Variants in FBXL17 observed in about 807,000 individuals in gnomAD.
The protein encoded by FBXL17 is F-box and leucine rich repeat protein 17, also known as F-box/LRR-repeat protein 17.
In FBXL17, 22 loss-of-function variants were observed where a neutral mutation model predicts 66.2. The ratio of observed to expected loss-of-function variants is 0.33; its 90% CI spans 0.24 to 0.47. The LOEUF (loss-of-function observed/expected upper bound fraction) is 0.47. Among genes scored for constraint, FBXL17 ranks in the 20% least tolerant of loss-of-function variants. FBXL17 has a pLI of 1.00. For missense variants in FBXL17, 878 were observed against 948.2 expected (o/e 0.93, Z 0.97); for synonymous variants, 474 against 400.5 (o/e 1.18, Z -2.19).
At chr5:107,991,269 G>T (rs1299086666) in intron 7 of FBXL17, among the ~76,000 whole-genome samples, 4 of 152,184 alleles carry the variant, frequency 2.6e-5, no homozygotes, top group African/African-American at 9.7e-5. Flanking sequence ...AGGAAACTGA[G>T]GAGATACTGA....
At chr5:108,198,048 A>T (rs1346998589) in intron 5 of FBXL17, among the ~76,000 whole-genome samples, 1 of 152,168 alleles carries the variant, frequency 6.6e-6, no homozygotes, top group Non-Finnish European at 1.5e-5. Flanking sequence ...CCATCAGCTG[A>T]GCCACCTGCA....
chr5:107,937,494 C>T (rs1405471310), intron 7 of FBXL17, among the ~76,000 whole-genome samples: 1 of 152,106 alleles, frequency 6.6e-6, no homozygotes, highest in East Asian at 1.9e-4. Context: ...GAAAAACAGG[C>T]CATGATTACG....
intron 4 of FBXL17, among the ~76,000 whole-genome samples, chr5:108,247,240 T>G (rs1756142962): frequency 6.6e-6 from 1 of 152,136 alleles, no homozygotes; most frequent in Non-Finnish European, 1.5e-5. Flanking sequence ...CCCATTTGGT[T>G]CTACATAAAA....
chr5:107,974,392 A>C (rs1425987431), intron 7 of FBXL17, among the ~76,000 whole-genome samples: 3 of 152,130 alleles, frequency 2.0e-5, no homozygotes, highest in Non-Finnish European at 4.4e-5. Flanking sequence ...ATACAGTTAA[A>C]CAAAAAAGAG....
intron 6 of FBXL17, among the ~76,000 whole-genome samples, chr5:108,111,865 G>A (rs753501136): frequency 6.6e-6 from 1 of 152,180 alleles, no homozygotes; most frequent in African/African-American, 2.4e-5. Flanking sequence ...AGTGTTCAGA[G>A]AACCCAGTAT....
chr5:108,345,852 A>G (rs1747243769), intron 4 of FBXL17, among the ~76,000 whole-genome samples: 1 of 152,166 alleles, frequency 6.6e-6, no homozygotes, highest in Admixed American at 6.5e-5. Flanking sequence ...CAAAGTTTAT[A>G]TGAAAACTAT....
intron 3 of FBXL17, among the ~76,000 whole-genome samples, chr5:108,361,717 G>C (rs747074229): frequency 2.6e-5 from 4 of 152,086 alleles, no homozygotes; most frequent in Non-Finnish European, 4.4e-5. Flanking sequence ...GCCTTATACT[G>C]TGTTCAATCA....
intron 1 of FBXL17, among the ~76,000 whole-genome samples, chr5:108,377,781 A>G (rs1221371851): frequency 6.6e-6 from 1 of 152,222 alleles, no homozygotes; most frequent in Non-Finnish European, 1.5e-5. Context: ...TCATTTTATA[A>G]ATGAGAAAAT....
intron 4 of FBXL17, among the ~76,000 whole-genome samples, chr5:108,257,622 A>G (rs540943998): frequency 5.3e-5 from 8 of 152,222 alleles, no homozygotes; most frequent in African/African-American, 1.7e-4. Flanking sequence ...TGTCCACTTT[A>G]CAGATGAGAA....
In FBXL17 at chr5:108,381,959, G is replaced by A. The variant is rs1001398921; in HGVS notation, c.-268C>T. 6 of 1,232,452 alleles carry A rather than the reference G, an allele frequency of 4.9e-6. No individual in the cohort carries two copies. Among genetic ancestry groups the A allele is most frequent in the African/African-American group, 4.7e-5 (3 of 63,854 alleles). 76.3% of individuals were successfully genotyped at this position (1,232,452 alleles called of 1,614,324 possible). ...GCTTTGGGGACGCGAGGGAGGGAGC[G>A]AGCGAGCCTGCCGGCTAGGCGACCA... is the stretch of plus-strand genomic sequence containing the variant. On this transcript the variant is annotated 5_prime_UTR_variant, in exon 1 of 9. Coordinates refer to ENST00000542267, the MANE Select transcript of FBXL17 (RefSeq NM_001163315.3).
intron 6 of FBXL17, among the ~76,000 whole-genome samples, chr5:108,048,573 G>A (rs1160037775): frequency 6.6e-6 from 1 of 152,196 alleles, no homozygotes; most frequent in Non-Finnish European, 1.5e-5. Context: ...AAGGTTAGAG[G>A]AGCTGCTAAC....
At chr5:108,169,947 G>A (rs1439995199) in intron 6 of FBXL17, among the ~76,000 whole-genome samples, 1 of 152,070 alleles carries the variant, frequency 6.6e-6, no homozygotes, top group Non-Finnish European at 1.5e-5. Context: ...TAACTCTCAT[G>A]CTGTTAACAA....
intron 7 of FBXL17, among the ~76,000 whole-genome samples, chr5:107,910,936 A>G (rs1034436990): frequency 1.3e-5 from 2 of 152,140 alleles, no homozygotes; most frequent in Admixed American, 6.6e-5. Flanking sequence ...TAAAAATGGG[A>G]AAATCTAATG....
chr5:108,348,290 G>T, intron 4 of FBXL17, 109 bp downstream of exon 4: 1 of 980,962 alleles, frequency 1.0e-6, no homozygotes, highest in Non-Finnish European at 1.5e-6. Context: ...TGATTAAGTA[G>T]TATTTGAACC....
intron 5 of FBXL17, among the ~76,000 whole-genome samples, chr5:108,200,084 C>T (rs1042925954): frequency 6.6e-6 from 1 of 152,142 alleles, no homozygotes; most frequent in African/African-American, 2.4e-5. Context: ...CCACAAGCCA[C>T]AGTCAGCCAA....
At chr5:108,003,907 T>C (rs1580314231) in intron 7 of FBXL17, among the ~76,000 whole-genome samples, 1 of 152,092 alleles carries the variant, frequency 6.6e-6, no homozygotes, top group African/African-American at 2.4e-5. Context: ...AAGGCAATGT[T>C]TGAGAAAATA....
chr5:108,179,247 G>A (rs1013511596), intron 6 of FBXL17, among the ~76,000 whole-genome samples: 21 of 151,914 alleles, frequency 1.4e-4, no homozygotes, highest in African/African-American at 2.7e-4. Flanking sequence ...TTGAATCAAC[G>A]GAAATTTGAA....
intron 4 of FBXL17, among the ~76,000 whole-genome samples, chr5:108,300,380 A>G (rs1320241986): frequency 6.6e-6 from 1 of 151,958 alleles, no homozygotes; most frequent in South Asian, 2.1e-4. Context: ...AGAAACAAAT[A>G]ACATTTATTA....
intron 4 of FBXL17, among the ~76,000 whole-genome samples, chr5:108,344,854 C>T (rs983031907): frequency 6.6e-6 from 1 of 152,114 alleles, no homozygotes; most frequent in African/African-American, 2.4e-5. Flanking sequence ...GATATAAAAC[C>T]TATCACTAGA....
Sources: allele counts gnomAD v4.1 joint callset (sites outside exome capture counted in the v4.1 genomes callset), GRCh38; gene constraint gnomAD v4.1.1; transcripts MANE v1.5; gene names NCBI Gene and HGNC (gene_info 2026-07-23, HGNC 2026-07-21).